CDH13: variants seen among roughly 807,000 people sequenced by gnomAD.
CDH13 encodes the protein cadherin 13.
CDH13 carries 24 observed loss-of-function variants against 63.8 expected under a neutral mutation model. The ratio of observed to expected loss-of-function variants is 0.38; its 90% CI spans 0.27 to 0.53. CDH13 has a LOEUF of 0.53. Ranked by LOEUF, CDH13 falls within the 20% of genes least tolerant of loss-of-function variation. The probability of loss-of-function intolerance (pLI) is 0.85; values close to 1 mark genes in which losing one functional copy is unlikely to be tolerated. For synonymous variants in CDH13, 503 were observed against 355.3 expected (o/e 1.42, Z -4.67); for missense variants, 1,049 against 903.1 (o/e 1.16, Z -2.07).
chr16:83,338,016 A>C (rs1168523409), intron 5 of CDH13, among the ~76,000 whole-genome samples: 1 of 152,066 alleles, frequency 6.6e-6, no homozygotes, highest in African/African-American at 2.4e-5. Context: ...AGTCGGACCT[A>C]AGTTTGAGTT....
chr16:82,743,554 G>C (rs914274256), intron 1 of CDH13, among the ~76,000 whole-genome samples: 2 of 152,176 alleles, frequency 1.3e-5, no homozygotes, highest in East Asian at 3.9e-4. Flanking sequence ...TTTGAAATCT[G>C]TTGGAACAAA....
chr16:83,007,773 A>G (rs8054750), intron 2 of CDH13, among the ~76,000 whole-genome samples: 22,076 of 151,142 alleles, frequency 0.15, 1,829 homozygotes, highest in African/African-American at 0.21. Flanking sequence ...GCAGTGAGCT[A>G]AGATCACACC....
chr16:83,602,796 C>T (rs570198247), intron 8 of CDH13, among the ~76,000 whole-genome samples: 17 of 152,104 alleles, frequency 1.1e-4, no homozygotes, highest in South Asian at 6.2e-4. Flanking sequence ...TACTAGAGCA[C>T]GGTGAGAACA....
At chr16:83,552,023 A>G (rs1288115221) in intron 7 of CDH13, among the ~76,000 whole-genome samples, 1 of 152,234 alleles carries the variant, frequency 6.6e-6, no homozygotes, top group African/African-American at 2.4e-5. Context: ...TGGAATAAGT[A>G]ATTGAATGGA....
chr16:82,952,370 A>C (rs1905416653), intron 2 of CDH13, among the ~76,000 whole-genome samples: 1 of 152,180 alleles, frequency 6.6e-6, no homozygotes, highest in African/African-American at 2.4e-5. Context: ...AAGCTGAGAC[A>C]ACACTTGGAA....
intron 3 of CDH13, among the ~76,000 whole-genome samples, chr16:83,060,036 C>T (rs147464110): frequency 1.5e-3 from 226 of 152,008 alleles, no homozygotes; most frequent in Non-Finnish European, 2.2e-3. Context: ...CCTTGTGATC[C>T]GCAAGCCTCG....
chr16:83,719,004 C>G (rs1454400794), intron 10 of CDH13, among the ~76,000 whole-genome samples: 2 of 152,198 alleles, frequency 1.3e-5, no homozygotes, highest in Non-Finnish European at 2.9e-5. Flanking sequence ...CAAAGGAATG[C>G]AGGTGCTGAC....
chr16:83,684,375 C>CA (rs886316411), intron 10 of CDH13, among the ~76,000 whole-genome samples: 50 of 138,404 alleles, frequency 3.6e-4, no homozygotes, highest in South Asian at 7.0e-4. Context: ...GACTCCATCA[C>CA]AAAAAAAAAA....
intron 1 of CDH13, among the ~76,000 whole-genome samples, chr16:82,805,232 C>T (rs1037037170): frequency 4.6e-5 from 7 of 152,086 alleles, no homozygotes; most frequent in Non-Finnish European, 1.5e-5. Flanking sequence ...GGTCTTGCAA[C>T]CTAAAAGGAA....
At chr16:82,689,783 G>C (rs575187253) in intron 1 of CDH13, among the ~76,000 whole-genome samples, 11 of 151,932 alleles carry the variant, frequency 7.2e-5, no homozygotes, top group African/African-American at 2.2e-4. Flanking sequence ...AGATACCACA[G>C]GTTGGAGCAA....
intron 10 of CDH13, chr16:83,728,798 G>T (rs977825537): frequency 6.6e-6 from 1 of 152,202 alleles, no homozygotes; most frequent in Non-Finnish European, 1.5e-5. Context: ...AGATAGTATT[G>T]TCTTAGCTCA....
At chr16:82,887,698 G>A (rs1176172244) in intron 2 of CDH13, among the ~76,000 whole-genome samples, 1 of 152,160 alleles carries the variant, frequency 6.6e-6, no homozygotes, top group Non-Finnish European at 1.5e-5. Flanking sequence ...GTGCACACCT[G>A]TAGTCCCAGC....
chr16:83,493,679 A>G (rs2074071927), intron 7 of CDH13, among the ~76,000 whole-genome samples: 1 of 152,238 alleles, frequency 6.6e-6, no homozygotes, highest in African/African-American at 2.4e-5. Context: ...GAGTTTGAAC[A>G]AGATTGCAAA....
chr16:83,665,233 A>G (rs1913834598), intron 8 of CDH13, among the ~76,000 whole-genome samples: 1 of 152,192 alleles, frequency 6.6e-6, no homozygotes. Flanking sequence ...ACATAACTAC[A>G]TTATATGGCA....
chr16:82,993,606 C>G (rs578202130), intron 2 of CDH13, among the ~76,000 whole-genome samples: 105 of 152,238 alleles, frequency 6.9e-4, no homozygotes, highest in African/African-American at 2.3e-3. Context: ...ATAATTGCAG[C>G]TGAGTCAGCA....
chr16:83,340,591 A>C (rs2090700086), intron 5 of CDH13, among the ~76,000 whole-genome samples: 1 of 152,172 alleles, frequency 6.6e-6, no homozygotes, highest in South Asian at 2.1e-4. Context: ...TGTGCACCCG[A>C]ATTCTCTAGA....
intron 1 of CDH13, among the ~76,000 whole-genome samples, chr16:82,844,972 C>T (rs1029076789): frequency 2.6e-5 from 4 of 151,936 alleles, no homozygotes; most frequent in African/African-American, 7.3e-5. Context: ...TATTTTTAAG[C>T]CTCTCAGATT....
At chr16:82,779,059 T>G (rs1321082554) in intron 1 of CDH13, among the ~76,000 whole-genome samples, 1 of 152,118 alleles carries the variant, frequency 6.6e-6, no homozygotes, top group Admixed American at 6.5e-5. Context: ...AATCTAGAAG[T>G]GTAAAGTTAG....
intron 1 of CDH13, among the ~76,000 whole-genome samples, chr16:82,712,380 G>C (rs111634294): frequency 0.021 from 3,227 of 152,254 alleles, 127 homozygotes; most frequent in African/African-American, 0.074. Context: ...TCACTTCAGT[G>C]ATTTGTAGCT....
Sources: gnomAD v4.1 joint callset for allele counts (sites outside exome capture counted in the v4.1 genomes callset) on GRCh38, gnomAD v4.1.1 for gene constraint, MANE v1.5 for transcripts, NCBI Gene and HGNC (gene_info 2026-07-23, HGNC 2026-07-21) for gene names.